The following FRMD6 variants were observed in gnomAD, a reference collection of about 807,000 sequenced individuals.
The protein encoded by FRMD6 is FERM domain-containing protein 6.
FRMD6 carries 37 observed loss-of-function variants against 73.2 expected under a neutral mutation model. The observed-to-expected ratio is 0.51, with a 90% CI of 0.39 to 0.66. FRMD6 has a LOEUF of 0.66. Ranked by LOEUF, FRMD6 falls within the 30% of genes least tolerant of loss-of-function variation. The probability of loss-of-function intolerance (pLI) is 0.00; values close to 1 mark genes in which losing one functional copy is unlikely to be tolerated. For missense variants in FRMD6, 714 were observed against 780.5 expected (o/e 0.91, Z 1.02); for synonymous variants, 273 against 282.2 (o/e 0.97, Z 0.33).
chr14:51,668,031 C>T (rs1350580868), intron 1 of FRMD6, among the ~76,000 whole-genome samples: 1 of 152,106 alleles, frequency 6.6e-6, no homozygotes, highest in Admixed American at 6.6e-5. Context: ...TATAAAACAA[C>T]ATTTGCTTTA....
At chr14:51,724,188 T>C (rs1486555482) in intron 12 of FRMD6, 1 of 152,076 alleles carries the variant, frequency 6.6e-6, no homozygotes, top group Non-Finnish European at 1.5e-5. Flanking sequence ...ACATGCAAAT[T>C]TGTGAAGTGT....
chr14:51,687,322 CTG>C (rs1895236332), intron 1 of FRMD6, among the ~76,000 whole-genome samples: 1 of 152,048 alleles, frequency 6.6e-6, no homozygotes, highest in Non-Finnish European at 1.5e-5. Context: ...AAGAATTACA[CTG>C]GGATGAATAT....
chr14:51,594,693 C>T lies in FRMD6; in HGVS notation c.-147+24283C>T, dbSNP rs116659285. Among the ~76,000 whole-genome samples, 1,425 of 151,948 alleles carry T rather than the reference C, an allele frequency of 9.4e-3. 25 individuals carry two copies. The highest frequency in any genetic ancestry group is 0.033 in the African/African-American group (1,365 of 41,436). ...GGTGAGGCTGGTCTAGAACTCTTGACCTTAGGCGATCCACCTGCCTTGGCC... is the reference window on the plus strand; with the variant it reads ...GGTGAGGCTGGTCTAGAACTCTTGATCTTAGGCGATCCACCTGCCTTGGCC... On this transcript the variant is annotated intron_variant, in intron 2 of 14. Transcript: ENST00000356218.
intron 1 of FRMD6, among the ~76,000 whole-genome samples, chr14:51,652,930 C>T (rs1056866880): frequency 2.6e-5 from 4 of 152,206 alleles, no homozygotes; most frequent in Admixed American, 6.5e-5. Context: ...TCAAAATAAG[C>T]ATATTTTAAA....
At chr14:51,517,222 T>C (rs1185815519) in intron 1 of FRMD6, among the ~76,000 whole-genome samples, 2 of 152,186 alleles carry the variant, frequency 1.3e-5, no homozygotes, top group Non-Finnish European at 2.9e-5. Flanking sequence ...TTTCCAATGG[T>C]TTATTTATAA....
chr14:51,544,577 T>C (rs1056998422), intron 1 of FRMD6, among the ~76,000 whole-genome samples: 1 of 152,028 alleles, frequency 6.6e-6, no homozygotes, highest in Non-Finnish European at 1.5e-5. Flanking sequence ...TTCCTCACGT[T>C]TGTGTCATGC....
rs757714763 is a variant in FRMD6, at chr14:51,729,669, T to G, written c.*1640T>G. On this transcript the variant is annotated 3_prime_UTR_variant, in exon 14 of 14. Coordinates refer to ENST00000344768, the MANE Select transcript of FRMD6 (RefSeq NM_001267046.2). ...TTATGTTTTCAGGTAACGAAATAGA[T>G]GTAGGGTACAGTGGAACATAAGCAG... is the stretch of plus-strand genomic sequence containing the variant. The G allele has an allele frequency of 5.2e-5, 8 of 152,632 alleles. No homozygotes were observed. The highest frequency in any genetic ancestry group is 1.0e-4 in the Non-Finnish European group (7 of 68,028). The allele number at this position is 152,632 out of a possible 1,614,324, so 9.5% of individuals were successfully genotyped here. A position where few individuals can be genotyped will look rare whatever the true frequency, so the allele number is the denominator to read the frequency against.
chr14:51,517,219 T>A (rs947738290), intron 1 of FRMD6, among the ~76,000 whole-genome samples: 2 of 152,178 alleles, frequency 1.3e-5, no homozygotes, highest in African/African-American at 4.8e-5. Flanking sequence ...CATTTTCCAA[T>A]GGTTTATTTA....
At chr14:51,582,584 T>C (rs1022791577) in intron 2 of FRMD6, among the ~76,000 whole-genome samples, 14 of 152,228 alleles carry the variant, frequency 9.2e-5, no homozygotes, top group Admixed American at 7.2e-4. Context: ...GGATCACCCA[T>C]GAGATCAACT....
intron 1 of FRMD6, among the ~76,000 whole-genome samples, chr14:51,507,116 ACACACAC>A (rs1884014979): frequency 7.2e-6 from 1 of 139,190 alleles, no homozygotes; most frequent in Non-Finnish European, 1.6e-5. Context: ...ACACACACAC[ACACACAC>A]ACACACACAC....
At chr14:51,682,388 A>G (rs1894862181) in intron 1 of FRMD6, among the ~76,000 whole-genome samples, 1 of 152,080 alleles carries the variant, frequency 6.6e-6, no homozygotes, top group South Asian at 2.1e-4. Context: ...AGTAAAGTAA[A>G]TATCAATGTT....
intron 1 of FRMD6, among the ~76,000 whole-genome samples, chr14:51,522,207 C>T (rs1884991936): frequency 6.6e-6 from 1 of 152,082 alleles, no homozygotes; most frequent in African/African-American, 2.4e-5. Flanking sequence ...CACATCAAAC[C>T]ATAAGTGAAT....
At chr14:51,478,320 T>C in the FRMD6 span, among the ~76,000 whole-genome samples, 6 of 152,284 alleles carry the variant, frequency 3.9e-5, no homozygotes, top group South Asian at 1.2e-3. Flanking sequence ...TTCCTTCTCA[T>C]TGGATTTTTT....
chr14:51,581,138 A>T (rs1888699587), intron 2 of FRMD6, among the ~76,000 whole-genome samples: 1 of 152,136 alleles, frequency 6.6e-6, no homozygotes, highest in Non-Finnish European at 1.5e-5. Context: ...ATGCCTTTCC[A>T]TTCAACTACA....
At chr14:51,654,477 G>GT (rs1892681095) in intron 1 of FRMD6, among the ~76,000 whole-genome samples, 1 of 152,090 alleles carries the variant, frequency 6.6e-6, no homozygotes. Flanking sequence ...CAGGTTCAGA[G>GT]TTGAGTGTAA....
chr14:51,570,070 C>T lies in FRMD6; in HGVS notation c.-209-278C>T, dbSNP rs1417623674. 2.0e-5 allele frequency among the ~76,000 whole-genome samples: 3 copies of T among 152,114 alleles called. No homozygotes were observed. The East Asian group carries it at 5.8e-4, about 29-fold the overall frequency. ...GACCTCGTGATCTGCCCACCTTGGC[C>T]TCCCAAAGTGCTGGGATTACAGACG... On this transcript the variant is annotated intron_variant, in intron 1 of 14. Coordinates refer to the FRMD6 transcript ENST00000356218.
chr14:51,540,467 T>C (rs746051903), intron 1 of FRMD6, among the ~76,000 whole-genome samples: 230 of 152,154 alleles, frequency 1.5e-3, no homozygotes, highest in Admixed American at 4.5e-3. Context: ...GACACCATCA[T>C]GATAGGGGCC....
At chr14:51,635,307 G>C (rs1891510475) in intron 2 of FRMD6, among the ~76,000 whole-genome samples, 1 of 152,198 alleles carries the variant, frequency 6.6e-6, no homozygotes, top group African/African-American at 2.4e-5. Context: ...GAGGCAAGAG[G>C]ATCGTTTGAC....
intron 12 of FRMD6, among the ~76,000 whole-genome samples, chr14:51,725,142 G>A (rs541968086): frequency 5.3e-5 from 8 of 152,278 alleles, no homozygotes; most frequent in African/African-American, 1.9e-4. Flanking sequence ...TATAGTCCCT[G>A]TACCTCACCC....
Sources: gnomAD v4.1 joint callset for allele counts (sites outside exome capture counted in the v4.1 genomes callset) on GRCh38, gnomAD v4.1.1 for gene constraint, MANE v1.5 for transcripts, NCBI Gene and HGNC (gene_info 2026-07-23, HGNC 2026-07-21) for gene names.